The following CFAP46 variants were observed in gnomAD, a reference collection of about 807,000 sequenced individuals.
CFAP46 encodes the protein cilia- and flagella-associated protein 46.
CFAP46 carries 245 observed loss-of-function variants against 325.7 expected under a neutral mutation model. The observed-to-expected ratio is 0.75, with a 90% CI of 0.68 to 0.84. CFAP46 has a LOEUF of 0.84. Among genes scored for constraint, CFAP46 ranks in the 40% least tolerant of loss-of-function variants. The pLI, the probability that CFAP46 is intolerant of heterozygous loss-of-function variation, is 0.00. For synonymous variants in CFAP46, 1,523 were observed against 1,495.9 expected (o/e 1.02, Z -0.42); for missense variants, 3,346 against 3,543.0 (o/e 0.94, Z 1.41).
intron 5 of CFAP46, among the ~76,000 whole-genome samples, chr10:132,938,322 T>A (rs931264731): frequency 2.6e-5 from 4 of 152,242 alleles, no homozygotes; most frequent in African/African-American, 9.7e-5. Context: ...TGGGGCAGGA[T>A]CATATCTGCT....
At position 132,941,634 on chromosome 10, in the gene CFAP46, A is replaced by G. The variant is rs1449450681; in HGVS notation, c.263T>C (p.Leu88Pro). ...CGGGGCACACATCTGGGCCCTGCACAGGTGCGCTCGGCCCAGAAACTGGGT... is the reference window on the plus strand; with the variant it reads ...CGGGGCACACATCTGGGCCCTGCACGGGTGCGCTCGGCCCAGAAACTGGGT... ...PITQFLGRAHLCRAQMCAPKS... is the reference protein window; with the variant it reads ...PITQFLGRAHPCRAQMCAPKS... The change falls in exon 3 of 58, where the codon CTG becomes CCG. Residue 88 changes from leucine (L) to proline (P), a missense_variant. Transcript: ENST00000368586. The G allele has an allele frequency of 1.2e-6, 2 of 1,613,922 alleles. No individual in the cohort carries two copies. Among genetic ancestry groups the G allele is most frequent in the Non-Finnish European group, 1.7e-6 (2 of 1,180,038 alleles).
chr10:132,855,712 G>C (rs1469202571), intron 39 of CFAP46, among the ~76,000 whole-genome samples: 1 of 151,968 alleles, frequency 6.6e-6, no homozygotes, highest in East Asian at 1.9e-4. Context: ...TGGCTGTTTT[G>C]GTATGTAGTG....
chr10:132,925,900 A>G (rs1417808229), intron 10 of CFAP46, among the ~76,000 whole-genome samples: 1 of 152,198 alleles, frequency 6.6e-6, no homozygotes, highest in Admixed American at 6.5e-5. Context: ...GGAGCCTCGC[A>G]CTGCCTGGCT....
intron 50 of CFAP46, among the ~76,000 whole-genome samples, chr10:132,830,914 C>T (rs543107994): frequency 6.7e-4 from 102 of 152,276 alleles, no homozygotes; most frequent in Admixed American, 1.1e-3. Flanking sequence ...AACATACATG[C>T]TTAGTTCCAT....
At chr10:132,814,071 C>T (rs1048230441) in intron 54 of CFAP46, 81 bp downstream of exon 54, 73 of 1,100,230 alleles carry the variant, frequency 6.6e-5, no homozygotes, top group South Asian at 2.1e-4. Flanking sequence ...CCCAGGGAGC[C>T]GGGGGTAGGG....
chr10:132,850,773 CT>C lies in CFAP46; in HGVS notation c.5764-342del, dbSNP rs112935652. Among the ~76,000 whole-genome samples the C allele has an allele frequency of 5.9e-3, 890 of 149,888 alleles. 11 individuals are homozygous for C. The highest frequency in any genetic ancestry group is 0.02 in the African/African-American group (804 of 41,016). ...CCCTCAAAACATTCTACATATTCAACTTTTTTTTTTACCAAAATGGAGTCCA... is the reference window on the plus strand; with the variant it reads ...CCCTCAAAACATTCTACATATTCAACTTTTTTTTTACCAAAATGGAGTCCA... On this transcript the variant is annotated intron_variant, in intron 40 of 57. Transcript: ENST00000368586.
At chr10:132,906,306 A>G (rs1849455158) in intron 22 of CFAP46, among the ~76,000 whole-genome samples, 1 of 152,244 alleles carries the variant, frequency 6.6e-6, no homozygotes, top group South Asian at 2.1e-4. Context: ...GGCAGTGCTT[A>G]TAGCCCATCG....
chr10:132,809,791 G>T (rs1051966428), intron 57 of CFAP46, among the ~76,000 whole-genome samples: 3 of 152,208 alleles, frequency 2.0e-5, no homozygotes, highest in African/African-American at 7.2e-5. Flanking sequence ...CCGTGTTTGA[G>T]AACAGACCAT....
intron 44 of CFAP46, among the ~76,000 whole-genome samples, chr10:132,841,609 A>G (rs978596884): frequency 6.6e-6 from 1 of 152,178 alleles, no homozygotes; most frequent in Non-Finnish European, 1.5e-5. Context: ...CCAGGCCTCC[A>G]GGCTTTCAAT....
At position 132,824,331 on chromosome 10, in the gene CFAP46, GTGTGTGC is replaced by G. The variant is rs1385289666; in HGVS notation, c.7117+9020_7117+9026del. ...CTGTGTGTGCACTGATGTGTGCTGT[GTGTGTGC>G]TGTGTGCTGTGTGAGCGCTGATGTG... On this transcript the variant is annotated intron_variant, in intron 50 of 57. Transcript: ENST00000368586. 8.4e-4 allele frequency among the ~76,000 whole-genome samples: 114 copies of G among 135,548 alleles called. 1 individual carries two copies. The highest frequency in any genetic ancestry group is 2.8e-3 in the African/African-American group (101 of 35,752). The allele number at this position is 135,548 out of a possible 152,430, so 88.9% of individuals were successfully genotyped here.
chr10:132,923,379 G>C (rs963593817), intron 11 of CFAP46, among the ~76,000 whole-genome samples: 2 of 135,476 alleles, frequency 1.5e-5, no homozygotes, highest in Non-Finnish European at 3.2e-5. Flanking sequence ...GGAACCCCTG[G>C]CCTCGAGCAG....
intron 4 of CFAP46, among the ~76,000 whole-genome samples, chr10:132,940,522 G>C (rs955051345): frequency 6.6e-6 from 1 of 152,220 alleles, no homozygotes; most frequent in East Asian, 1.9e-4. Flanking sequence ...AGAAGGAACC[G>C]TGGGGAAGGA....
intron 50 of CFAP46, among the ~76,000 whole-genome samples, chr10:132,824,471 T>G (rs1419401275): frequency 2.5e-5 from 3 of 121,270 alleles, no homozygotes; most frequent in Non-Finnish European, 5.2e-5. Flanking sequence ...TGATGTGTGC[T>G]GTGTGTGCTG....
chr10:132,942,503 G>C lies in CFAP46; in HGVS notation c.-19C>G. On this transcript the variant is annotated 5_prime_UTR_variant, in exon 1 of 58. Coordinates refer to ENST00000368586, the MANE Select transcript of CFAP46 (RefSeq NM_001200049.3). Reference sequence around the variant, plus strand: ...GGTCCATGGCGCCGGCGCCCTGCTCGTCCGCTCTCTCCGGGGTCCGCGGTG... The same window carrying C: ...GGTCCATGGCGCCGGCGCCCTGCTCCTCCGCTCTCTCCGGGGTCCGCGGTG... 1.6e-6 allele frequency: 2 copies of C among 1,271,928 alleles called. No homozygotes were observed. Among genetic ancestry groups the C allele is most frequent in the Non-Finnish European group, 9.9e-7 (1 of 1,010,542 alleles). 78.8% of individuals were successfully genotyped at this position (1,271,928 alleles called of 1,614,324 possible).
chr10:132,812,862 C>A lies in CFAP46; in HGVS notation c.7424G>T (p.Ser2475Ile). 1 of 1,610,694 alleles carries A rather than the reference C, an allele frequency of 6.2e-7. No homozygotes were observed. Among genetic ancestry groups the A allele is most frequent in the Non-Finnish European group, 8.5e-7 (1 of 1,179,836 alleles). ...AQWEQALGSC[S>I]GFFFYGMESF... is the part of the protein sequence containing the mutation. ...CTCCATTCCATAGAAGAAGAAACCG[C>A]TGCAGCTGCCCAGGGCCTGCTCCCA... The change falls in exon 55 of 58, where the codon AGC (serine) becomes ATC (isoleucine). Residue 2475 changes from serine to isoleucine, a missense_variant. By Grantham distance (142) the Ser-to-Ile change is moderately radical. Coordinates refer to ENST00000368586, the MANE Select transcript of CFAP46 (RefSeq NM_001200049.3).
At chr10:132,870,586 G>T (rs1229041633) in intron 32 of CFAP46, among the ~76,000 whole-genome samples, 1 of 152,198 alleles carries the variant, frequency 6.6e-6, no homozygotes, top group African/African-American at 2.4e-5. Flanking sequence ...TCCGTGGTCT[G>T]CGCCGAAGAT....
chr10:132,812,689 G>T (rs1847604628), intron 55 of CFAP46, 96 bp downstream of exon 55: 13 of 839,242 alleles, frequency 1.5e-5, no homozygotes, highest in Non-Finnish European at 2.4e-5. Context: ...ACAGGGGGTG[G>T]GGGCAGCACC....
chr10:132,846,891 C>T (rs1180700756), intron 43 of CFAP46, 41 bp downstream of exon 43: 1 of 1,573,492 alleles, frequency 6.4e-7, no homozygotes, highest in African/African-American at 1.3e-5. Context: ...CTCCCTCCTC[C>T]ATGAAGGGCC....
chr10:132,936,961 G>A lies in CFAP46; in HGVS notation c.755C>T (p.Ala252Val), dbSNP rs753279737. 7.3e-6 allele frequency: 11 copies of A among 1,515,882 alleles called. No individual in the cohort carries two copies. In the African/African-American group the frequency reaches 8.2e-5, roughly 11 times the overall value. The allele number at this position is 1,515,882 out of a possible 1,614,324, so 93.9% of individuals were successfully genotyped here. A position where few individuals can be genotyped will look rare whatever the true frequency, so the allele number is the denominator to read the frequency against. Residue 252 changes from alanine (A) to valine (V), a missense_variant and splice_region_variant, in exon 7 of 58, where the codon GCA becomes GTA. Coordinates refer to ENST00000368586, the MANE Select transcript of CFAP46 (RefSeq NM_001200049.3). ...TGCTCTCCCTCCCAAAACGACTTAC[G>A]CCTTTAGCATATTAATATAGAAAGT... Reference protein sequence around the residue: ...SVTFYINMLKAKAEQNDLPGD... With the variant: ...SVTFYINMLKVKAEQNDLPGD...
Sources: gnomAD v4.1 joint callset for allele counts (sites outside exome capture counted in the v4.1 genomes callset) on GRCh38, gnomAD v4.1.1 for gene constraint, MANE v1.5 for transcripts, NCBI Gene and HGNC (gene_info 2026-07-23, HGNC 2026-07-21) for gene names.